Variants in COL4A1 observed in about 807,000 individuals in gnomAD.
COL4A1 encodes the protein collagen type IV alpha 1 chain, also known as collagen alpha-1(IV) chain.
Under a neutral mutation model 216.6 loss-of-function variants are expected in COL4A1, and 40 were observed. That is an observed-to-expected ratio of 0.18 (90% CI 0.14 to 0.24). The LOEUF is 0.24. Ranked by LOEUF, COL4A1 falls within the 10% of genes least tolerant of loss-of-function variation. COL4A1 has a pLI of 1.00. For missense variants in COL4A1, 1,628 were observed against 2,196.8 expected (o/e 0.74, Z 5.18); for synonymous variants, 839 against 810.7 (o/e 1.03, Z -0.59).
chr13:110,149,965 C>T lies in COL4A1; in HGVS notation c.*398G>A, dbSNP rs1876424115. The T allele has an allele frequency of 6.1e-6, 2 of 329,422 alleles. No homozygotes were observed. Among genetic ancestry groups the T allele is most frequent in the Middle Eastern group, 1.1e-3 (1 of 948 alleles). The allele number at this position is 329,422 out of a possible 1,614,324, so 20.4% of individuals were successfully genotyped here. On this transcript the variant is annotated 3_prime_UTR_variant, in exon 52 of 52. Coordinates refer to ENST00000375820, the MANE Select transcript of COL4A1 (RefSeq NM_001845.6). ...TGAAACAGCTAGACAGTGATATAAA[C>T]AAACATTTATCTCTGGGGGTAGAAA...
chr13:110,224,895 T>C (rs2139223382), intron 2 of COL4A1, among the ~76,000 whole-genome samples: 1 of 152,162 alleles, frequency 6.6e-6, no homozygotes, highest in African/African-American at 2.4e-5. Flanking sequence ...TGGTCTGTGA[T>C]AAAAGTAAAC....
chr13:110,188,540 G>T (rs1878497103), intron 24 of COL4A1, among the ~76,000 whole-genome samples: 1 of 152,236 alleles, frequency 6.6e-6, no homozygotes, highest in African/African-American at 2.4e-5. Context: ...GATACTCAAA[G>T]AAGTGAGCTG....
In COL4A1 at chr13:110,173,962, C is replaced by T. The variant is rs1216419547; in HGVS notation, c.3443G>A (p.Gly1148Asp). 6.2e-7 allele frequency: 1 copy of T among 1,614,188 alleles called. No homozygotes were observed. The change falls in exon 40 of 52, where the codon GGC (glycine) becomes GAC (aspartate). Residue 1148 changes from glycine (G) to aspartate (D), a missense_variant. By Grantham distance (94) the Gly-to-Asp change is moderately conservative. Around this residue, in one of 8 missense-constraint regions of COL4A1, gnomAD observed 345 missense variants for 476.9 expected, o/e 0.72. Coordinates refer to ENST00000375820, the MANE Select transcript of COL4A1 (RefSeq NM_001845.6). ...ATCACTGCCTGGCTCCCCTTTCTGG[C>T]CAGCTGGGCCTGTGGGGCCAGGAGT... ...PGTPGPTGPAGQKGEPGSDGI... is the reference protein window; with the variant it reads ...PGTPGPTGPADQKGEPGSDGI...
In COL4A1 at chr13:110,209,989, G is replaced by A. The variant is rs754333091; in HGVS notation, c.606C>T (p.Thr202=). The A allele has an allele frequency of 3.2e-5, 51 of 1,613,992 alleles. No individual in the cohort carries two copies. The highest frequency in any genetic ancestry group is 2.7e-4 in the African/African-American group (20 of 74,906). Residue 202 remains threonine (T), a synonymous_variant, in exon 10 of 52, where the codon ACC becomes ACT. Coordinates refer to ENST00000375820, the MANE Select transcript of COL4A1 (RefSeq NM_001845.6). ...AGCCCCCAAAACTTACTGGTGGTCC[G>A]GTAAATCCTGGAGGCCCAACAGGAC... ...LQGPVGPPGF[T]GPPGPPGPPG...
intron 1 of COL4A1, among the ~76,000 whole-genome samples, chr13:110,250,358 G>A (rs1341565035): frequency 1.3e-5 from 2 of 152,142 alleles, no homozygotes; most frequent in Non-Finnish European, 2.9e-5. Context: ...GGGCAGAAAG[G>A]CTCCCAAGAA....
At chr13:110,242,990 C>T (rs1881632256) in intron 1 of COL4A1, among the ~76,000 whole-genome samples, 1 of 152,192 alleles carries the variant, frequency 6.6e-6, no homozygotes, top group Non-Finnish European at 1.5e-5. Flanking sequence ...AAAAAGTGAA[C>T]AATGTCACCT....
chr13:110,235,726 A>T (rs1248124128), intron 2 of COL4A1, among the ~76,000 whole-genome samples: 1 of 152,072 alleles, frequency 6.6e-6, no homozygotes. Flanking sequence ...TTCTTTAATA[A>T]TTACTGGAGA....
chr13:110,205,463 C>T (rs774385136), intron 16 of COL4A1, 31 bp downstream of exon 16: 2 of 1,606,218 alleles, frequency 1.2e-6, no homozygotes, highest in Non-Finnish European at 8.5e-7. Flanking sequence ...AACAGTGAGC[C>T]TGCTTGTAAA....
chr13:110,169,593 C>T, intron 43 of COL4A1, 36 bp downstream of exon 43: 1 of 1,612,830 alleles, frequency 6.2e-7, no homozygotes, highest in Non-Finnish European at 8.5e-7. Context: ...AGAAAAGACT[C>T]CTTTAAAAAT....
chr13:110,279,742 GT>G (rs1270655752), intron 1 of COL4A1, among the ~76,000 whole-genome samples: 7 of 152,146 alleles, frequency 4.6e-5, no homozygotes, highest in African/African-American at 1.4e-4. Context: ...TGCTGTTGTT[GT>G]TCAACTTTCT....
chr13:110,299,196 C>A (rs1884397808), intron 1 of COL4A1, among the ~76,000 whole-genome samples: 1 of 152,236 alleles, frequency 6.6e-6, no homozygotes, highest in Non-Finnish European at 1.5e-5. Context: ...TGCAGGCCTG[C>A]ACCTAAGGCT....
In COL4A1 at chr13:110,270,155, G is replaced by A. The variant is rs113370627; in HGVS notation, c.85-27421C>T. Among the ~76,000 whole-genome samples, 333 of 152,312 alleles carry A rather than the reference G, an allele frequency of 2.2e-3. 1 individual carries two copies. The highest frequency in any genetic ancestry group is 7.5e-3 in the African/African-American group (310 of 41,570). On this transcript the variant is annotated intron_variant, in intron 1 of 51. Coordinates refer to ENST00000375820, the MANE Select transcript of COL4A1 (RefSeq NM_001845.6). ...CCTGGCAAGACTGTGAAGCTGCTGT[G>A]AAGGCTGCGACCTTCTTCAGAGAAA... is the stretch of plus-strand genomic sequence containing the variant.
At chr13:110,304,700 T>C (rs533676129) in intron 1 of COL4A1, among the ~76,000 whole-genome samples, 13 of 152,294 alleles carry the variant, frequency 8.5e-5, no homozygotes, top group African/African-American at 3.1e-4. Flanking sequence ...CATGAGTACG[T>C]AAACAATATG....
In COL4A1 at chr13:110,173,924, A is replaced by G. The variant is rs1466757456; in HGVS notation, c.3481T>C (p.Ser1161Pro). The G allele has an allele frequency of 6.2e-7, 1 of 1,613,850 alleles. No homozygotes were observed. The highest frequency in any genetic ancestry group is 1.3e-5 in the African/African-American group (1 of 74,934). Residue 1161 changes from serine (S) to proline (P), a missense_variant, in exon 40 of 52, where the codon TCA becomes CCA. Ser to Pro is a moderately conservative substitution (Grantham distance 74). This residue lies in a region of COL4A1 where 345 missense variants were observed against 476.9 expected (regional missense o/e 0.72). Coordinates refer to ENST00000375820, the MANE Select transcript of COL4A1 (RefSeq NM_001845.6). ...CCTGGTTCACCCTTCTCTCCTGCTG[A>G]CCCCGGGATTCCATCACTGCCTGGC... ...GEPGSDGIPG[S>P]AGEKGEPGLP...
chr13:110,254,457 T>C (rs1882422856), intron 1 of COL4A1, among the ~76,000 whole-genome samples: 2 of 152,084 alleles, frequency 1.3e-5, no homozygotes, highest in Admixed American at 1.3e-4. Context: ...GCAGCGCCCA[T>C]GTTCTATTTA....
intron 1 of COL4A1, among the ~76,000 whole-genome samples, chr13:110,274,135 G>C (rs1883350682): frequency 6.6e-6 from 1 of 152,142 alleles, no homozygotes; most frequent in Non-Finnish European, 1.5e-5. Context: ...CAAATATTAA[G>C]GCCCTGTTCC....
intron 1 of COL4A1, among the ~76,000 whole-genome samples, chr13:110,248,898 G>A (rs555391211): frequency 2.0e-5 from 3 of 152,152 alleles, no homozygotes; most frequent in African/African-American, 4.8e-5. Context: ...CACTTTTTTC[G>A]GATAGCGAAA....
intron 2 of COL4A1, among the ~76,000 whole-genome samples, chr13:110,227,745 G>T (rs961584584): frequency 6.6e-6 from 1 of 152,224 alleles, no homozygotes; most frequent in Non-Finnish European, 1.5e-5. Context: ...TCCACAGGGA[G>T]AATCAGCACG....
intron 18 of COL4A1, among the ~76,000 whole-genome samples, chr13:110,202,676 T>C (rs78742509): frequency 0.015 from 2,317 of 152,210 alleles, 70 homozygotes; most frequent in African/African-American, 0.054. Flanking sequence ...GCAAAATGGC[T>C]AAAAAAATTA....
Sources: gnomAD v4.1 joint callset for allele counts (sites outside exome capture counted in the v4.1 genomes callset) on GRCh38, gnomAD v4.1.1 for gene constraint, gnomAD v4.1.1 regional missense constraint, MANE v1.5 for transcripts, NCBI Gene and HGNC (gene_info 2026-07-23, HGNC 2026-07-21) for gene names.